UNC80: variants seen among roughly 807,000 people sequenced by gnomAD.
UNC80 encodes the protein unc-80 subunit of NALCN channel complex, also known as protein unc-80 homolog.
In UNC80, 164 loss-of-function variants were observed where a neutral mutation model predicts 384.6. The observed-to-expected ratio is 0.43, with a 90% CI of 0.38 to 0.49. The LOEUF (loss-of-function observed/expected upper bound fraction) is 0.49. Among genes scored for constraint, UNC80 ranks in the 20% least tolerant of loss-of-function variants. UNC80 has a pLI of 0.00. For missense variants in UNC80, 3,330 were observed against 4,143.0 expected (o/e 0.80, Z 5.39); for synonymous variants, 1,486 against 1,527.8 (o/e 0.97, Z 0.64).
chr2:209,958,547 C>A (rs1047665618), intron 49 of UNC80, among the ~76,000 whole-genome samples: 3 of 152,150 alleles, frequency 2.0e-5, no homozygotes, highest in Non-Finnish European at 4.4e-5. Context: ...CCAAACCCAG[C>A]TATAAATTGC....
At chr2:209,809,378 A>G (rs1207498795) in intron 7 of UNC80, 11 of 1,023,880 alleles carry the variant, frequency 1.1e-5, no homozygotes, top group African/African-American at 3.1e-5. Context: ...CTGCGGGGCC[A>G]TGTCCGGACC....
At chr2:209,935,918 G>C in intron 40 of UNC80, 110 bp downstream of exon 40, 1 of 640,370 alleles carries the variant, frequency 1.6e-6, no homozygotes, top group Non-Finnish European at 2.7e-6. Context: ...ATGGATGTAT[G>C]CATTTCTTTA....
rs183442339 is a variant in UNC80, at chr2:209,877,650, A to T, written c.3841-304A>T. Among the ~76,000 whole-genome samples the T allele has an allele frequency of 2.0e-3, 307 of 152,324 alleles. 2 individuals are homozygous for T. Among genetic ancestry groups the T allele is most frequent in the African/African-American group, 7.1e-3 (297 of 41,580 alleles). On this transcript the variant is annotated intron_variant, in intron 23 of 64. Transcript: ENST00000673920. ...GCAATTGTGTACTCCCTTGTATCAT[A>T]TCTATAAAATAAATAACCTTTGAGT...
intron 13 of UNC80, among the ~76,000 whole-genome samples, chr2:209,824,398 G>C (rs2080358456): frequency 6.6e-6 from 1 of 152,158 alleles, no homozygotes; most frequent in South Asian, 2.1e-4. Context: ...CTGCAGTGTA[G>C]TTGTAATAGA....
In UNC80 at chr2:209,926,987, G is replaced by A; in HGVS notation, c.5806+1G>A. Reference sequence around the variant, plus strand: ...GAGGTGCGGGAAGATGGAGTAGCAGGTACAGTTTTGAACAGTCAGATCATC... The same window carrying A: ...GAGGTGCGGGAAGATGGAGTAGCAGATACAGTTTTGAACAGTCAGATCATC... On this transcript the variant is annotated splice_donor_variant, in intron 36 of 64. Transcript: ENST00000673920. LOFTEE classifies it high-confidence loss of function. The A allele has an allele frequency of 6.4e-7, 1 of 1,551,540 alleles. No individual in the cohort carries two copies. Among genetic ancestry groups the A allele is most frequent in the Non-Finnish European group, 8.7e-7 (1 of 1,146,884 alleles).
chr2:209,933,604 C>T (rs556654605), intron 38 of UNC80, among the ~76,000 whole-genome samples: 3 of 152,012 alleles, frequency 2.0e-5, no homozygotes, highest in African/African-American at 4.8e-5. Flanking sequence ...CTTAAGAATT[C>T]GCCATTTTAA....
intron 26 of UNC80, among the ~76,000 whole-genome samples, chr2:209,889,388 A>G (rs561105843): frequency 6.6e-4 from 100 of 152,352 alleles, no homozygotes; most frequent in African/African-American, 2.3e-3. Context: ...CCATCTGTAC[A>G]TATCATTTCC....
At chr2:209,826,174 T>TA in intron 14 of UNC80, 121 bp downstream of exon 14, 1 of 1,170,108 alleles carries the variant, frequency 8.5e-7, no homozygotes, top group Non-Finnish European at 1.2e-6. Flanking sequence ...TAGGAATAAT[T>TA]AATGCTGTTT....
rs1352460130 is a variant in UNC80 at position 209,945,135 on chromosome 2, G to A, written c.7135G>A (p.Asp2379Asn). 5 of 1,551,440 alleles carry A rather than the reference G, an allele frequency of 3.2e-6. No individual in the cohort carries two copies. Among genetic ancestry groups the A allele is most frequent in the Non-Finnish European group, 4.4e-6 (5 of 1,146,878 alleles). Residue 2379 changes from aspartate (D) to asparagine (N), a missense_variant, in exon 46 of 65, where the codon GAC becomes AAC. Asp to Asn is a conservative substitution (Grantham distance 23). This residue lies in a region of UNC80 where 1,049 missense variants were observed against 1,488.6 expected (regional missense o/e 0.70). Coordinates refer to ENST00000673920, the MANE Select transcript of UNC80 (RefSeq NM_001371986.1). The stretch of plus-strand genomic sequence containing the variant: ...GCAGTCCCTAGAGGGAGAGACCACC[G>A]ACATATTAGACATCTTAGAGCTGGT... Reference protein sequence around the residue: ...LLQSLEGETTDILDILELVKA... With the variant: ...LLQSLEGETTNILDILELVKA...
intron 22 of UNC80, among the ~76,000 whole-genome samples, chr2:209,855,067 C>T (rs977283306): frequency 1.8e-4 from 27 of 152,048 alleles, no homozygotes; most frequent in African/African-American, 5.8e-4. Context: ...AATAATAGAC[C>T]GGATAAAGAA....
Position 209,936,861 on chromosome 2 carries a change from T to C in UNC80, c.6291T>C (p.Phe2097=). The change falls in exon 41 of 65, where the codon TTT becomes TTC. Residue 2097 remains phenylalanine (F), a synonymous_variant. Coordinates refer to ENST00000673920, the MANE Select transcript of UNC80 (RefSeq NM_001371986.1). ...TGTTCTAGGAGTGTCTGGAGTTTTT[T>C]AATATCCCAGAATCCCAGTCAACAC... The part of the protein sequence containing the change: ...EALLKECLEF[F]NIPESQSTHY... The C allele has an allele frequency of 6.5e-7, 1 of 1,550,168 alleles. No homozygotes were observed. The highest frequency in any genetic ancestry group is 8.7e-7 in the Non-Finnish European group (1 of 1,145,622).
At chr2:209,809,455 C>T (rs1406844177) in intron 7 of UNC80, 11 of 1,471,756 alleles carry the variant, frequency 7.5e-6, no homozygotes, top group Middle Eastern at 1.7e-4. Flanking sequence ...CTCCAACCTG[C>T]GGGCCCACCT....
intron 47 of UNC80, among the ~76,000 whole-genome samples, chr2:209,946,842 G>A (rs967982986): frequency 8.5e-5 from 13 of 152,174 alleles, no homozygotes; most frequent in Non-Finnish European, 1.9e-4. Context: ...TTATATATTT[G>A]CCCTGCACCT....
intron 29 of UNC80, among the ~76,000 whole-genome samples, chr2:209,910,639 A>G (rs1167856183): frequency 2.0e-5 from 3 of 149,960 alleles, no homozygotes; most frequent in African/African-American, 7.3e-5. Flanking sequence ...GGACAAATAT[A>G]AATGCTCATC....
chr2:209,913,234 T>A (rs897295176), intron 30 of UNC80, among the ~76,000 whole-genome samples: 2 of 152,202 alleles, frequency 1.3e-5, no homozygotes, highest in African/African-American at 4.8e-5. Flanking sequence ...TTGTTCATAT[T>A]TTTCTGGAAT....
chr2:209,772,590 T>C (rs148817263), intron 1 of UNC80, among the ~76,000 whole-genome samples: 11 of 152,194 alleles, frequency 7.2e-5, no homozygotes, highest in Middle Eastern at 3.4e-3. Context: ...TGTTAACCGT[T>C]TTGCTCAGAT....
In UNC80 at chr2:209,777,329, C is replaced by T. The variant is rs1280104175; in HGVS notation, c.370C>T (p.Pro124Ser). The T allele has an allele frequency of 6.2e-7, 1 of 1,614,034 alleles. No homozygotes were observed. The highest frequency in any genetic ancestry group is 8.5e-7 in the Non-Finnish European group (1 of 1,180,036). The change falls in exon 4 of 65, where the codon CCC (proline) becomes TCC (serine). Residue 124 changes from proline (P) to serine (S), a missense_variant. Physicochemically the swap from Pro to Ser is moderately conservative, Grantham distance 74 (BLOSUM62 -1). Transcript: ENST00000673920. ...TCTACACTGGATGCTTCTGGAGGCCCCCCAGGACTGCAACAATGAGCGGTT... is the reference window on the plus strand; with the variant it reads ...TCTACACTGGATGCTTCTGGAGGCCTCCCAGGACTGCAACAATGAGCGGTT... ...HTLHWMLLEA[P>S]QDCNNERFGG...
At chr2:209,869,654 A>G (rs766280139) in intron 22 of UNC80, among the ~76,000 whole-genome samples, 8 of 152,176 alleles carry the variant, frequency 5.3e-5, no homozygotes, top group Admixed American at 1.3e-4. Flanking sequence ...GAGTGACTCT[A>G]TGTCATCATC....
intron 5 of UNC80, 39 bp downstream of exon 5, chr2:209,786,228 A>T: frequency 6.3e-7 from 1 of 1,594,960 alleles, no homozygotes; most frequent in Non-Finnish European, 8.6e-7. Context: ...GTATTAGCAG[A>T]TTCCCTCACA....
Sources: allele counts gnomAD v4.1 joint callset (sites outside exome capture counted in the v4.1 genomes callset), GRCh38; gene constraint gnomAD v4.1.1; regional missense constraint gnomAD v4.1.1; transcripts MANE v1.5; gene names NCBI Gene and HGNC (gene_info 2026-07-23, HGNC 2026-07-21).